The following COLEC12 variants were observed in gnomAD, a reference collection of about 807,000 sequenced individuals.
COLEC12 encodes collectin-12.
In COLEC12, 33 loss-of-function variants were observed where a neutral mutation model predicts 71.1. The ratio of observed to expected loss-of-function variants is 0.46; its 90% CI spans 0.35 to 0.62. COLEC12 has a LOEUF of 0.62. Among genes scored for constraint, COLEC12 ranks in the 20% least tolerant of loss-of-function variants. The probability of loss-of-function intolerance (pLI) is 0.00; values close to 1 mark genes in which losing one functional copy is unlikely to be tolerated. For missense variants in COLEC12, 765 were observed against 916.1 expected, an observed-to-expected ratio of 0.84 and a Z score of 2.13; for synonymous variants, 350 against 353.0, an observed-to-expected ratio of 0.99 and a Z score of 0.10.
intron 1 of COLEC12, among the ~76,000 whole-genome samples, chr18:498,377 T>TTTTTTG (rs1178071975): frequency 1.4e-5 from 2 of 138,308 alleles, no homozygotes; most frequent in South Asian, 2.3e-4. Flanking sequence ...TTTTTTTTTT[T>TTTTTTG]AGACGGAGTC....
intron 5 of COLEC12, among the ~76,000 whole-genome samples, chr18:342,544 C>T (rs721240): frequency 0.32 from 48,442 of 151,990 alleles, 8,143 homozygotes; most frequent in African/African-American, 0.39. Context: ...CAACGTTAAT[C>T]CATCCTGCTT....
At chr18:492,731 C>T (rs749873115) in intron 1 of COLEC12, among the ~76,000 whole-genome samples, 1 of 151,952 alleles carries the variant, frequency 6.6e-6, no homozygotes, top group African/African-American at 2.4e-5. Flanking sequence ...AAAATAACAC[C>T]GATACGTCTT....
chr18:334,660 G>T, intron 6 of COLEC12, 82 bp downstream of exon 6: 1 of 1,224,308 alleles, frequency 8.2e-7, no homozygotes, highest in Non-Finnish European at 1.1e-6. Context: ...TAACATGGGT[G>T]GGGCCACACA....
intron 2 of COLEC12, among the ~76,000 whole-genome samples, chr18:403,716 A>G (rs939880409): frequency 2.6e-5 from 4 of 152,244 alleles, no homozygotes; most frequent in Non-Finnish European, 5.9e-5. Context: ...GAGTTGAGGA[A>G]ATGGTCCTAA....
intron 2 of COLEC12, among the ~76,000 whole-genome samples, chr18:432,187 C>A (rs780797149): frequency 6.6e-6 from 1 of 152,184 alleles, no homozygotes; most frequent in African/African-American, 2.4e-5. Context: ...TTAATTAATT[C>A]ATTCATTAAC....
At chr18:433,135 C>T (rs1916337892) in intron 2 of COLEC12, among the ~76,000 whole-genome samples, 1 of 152,142 alleles carries the variant, frequency 6.6e-6, no homozygotes, top group Admixed American at 6.5e-5. Flanking sequence ...TGGACTGTTT[C>T]CCCATGGTAG....
chr18:357,075 C>T (rs1293560784), intron 3 of COLEC12, among the ~76,000 whole-genome samples: 1 of 151,102 alleles, frequency 6.6e-6, no homozygotes, highest in Non-Finnish European at 1.5e-5. Flanking sequence ...ATAAAGCCTC[C>T]AAGAGATAGG....
rs1449108413 is a variant in COLEC12 at position 480,500 on chromosome 18, G to A, written c.58+207C>T. Among the ~76,000 whole-genome samples the A allele has an allele frequency of 6.6e-6, 1 of 152,122 alleles. No homozygotes were observed. The highest frequency in any genetic ancestry group is 1.5e-5 in the Non-Finnish European group (1 of 68,028). On this transcript the variant is annotated intron_variant, in intron 2 of 9. Transcript: ENST00000400256. This position sits in a 1 kb window ranked among gnomAD's most constrained non-coding sequence, Gnocchi z 4.1. ...TCCCATCACTTCCCCATGCCTGGGT[G>A]CAGCTCCTGTCCCATGGCCCCTCAG...
chr18:404,653 T>C (rs896861950), intron 2 of COLEC12, among the ~76,000 whole-genome samples: 1 of 152,204 alleles, frequency 6.6e-6, no homozygotes, highest in African/African-American at 2.4e-5. Context: ...ATAATACCTT[T>C]ATAATTTCTT....
intron 2 of COLEC12, among the ~76,000 whole-genome samples, chr18:403,895 AT>A (rs1284591996): frequency 6.6e-6 from 1 of 152,204 alleles, no homozygotes; most frequent in African/African-American, 2.4e-5. Flanking sequence ...CAAACAAAGG[AT>A]TGGAAGAGGC....
Position 480,616 on chromosome 18 carries a change from G to GC in COLEC12, c.58+90dup. On this transcript the variant is annotated intron_variant, in intron 2 of 9. Coordinates refer to ENST00000400256, the MANE Select transcript of COLEC12 (RefSeq NM_130386.3). This position sits in a 1 kb window ranked among gnomAD's most constrained non-coding sequence, Gnocchi z 4.1. ...CCACAAACACCCATGTGCATGAAGG[G>GC]CCTGCCAGTGGCCTGCCAATGGTCT... is the stretch of plus-strand genomic sequence containing the variant. The GC allele has an allele frequency of 8.9e-7, 1 of 1,119,764 alleles. No individual in the cohort carries two copies. Among genetic ancestry groups the GC allele is most frequent in the Non-Finnish European group, 1.4e-6 (1 of 729,504 alleles). 69.4% of individuals were successfully genotyped at this position (1,119,764 alleles called of 1,614,324 possible).
chr18:320,075 G>A lies in COLEC12; in HGVS notation c.2210-11C>T. The A allele has an allele frequency of 6.6e-7, 1 of 1,508,004 alleles. No homozygotes were observed. The highest frequency in any genetic ancestry group is 1.2e-5 in the South Asian group (1 of 83,364). The allele number at this position is 1,508,004 out of a possible 1,614,324, so 93.4% of individuals were successfully genotyped here. ...ATGCAGATGACAGTACTAAAAGAGA[G>A]AAATAAGAATGGGCATTAGTTTTTC... On this transcript the variant is annotated splice_polypyrimidine_tract_variant and intron_variant, in intron 9 of 9. Transcript: ENST00000400256.
chr18:366,192 T>C (rs79784622), intron 2 of COLEC12, among the ~76,000 whole-genome samples: 8,863 of 152,186 alleles, frequency 0.058, 273 homozygotes, highest in South Asian at 0.087. Context: ...AATGCTATAG[T>C]AAAAACAAGG....
At chr18:492,345 T>C (rs1019834309) in intron 1 of COLEC12, among the ~76,000 whole-genome samples, 5 of 152,210 alleles carry the variant, frequency 3.3e-5, no homozygotes, top group African/African-American at 1.2e-4. Context: ...CTTTACAGTC[T>C]AACAAAACTG....
chr18:464,226 C>G (rs1917042492), intron 2 of COLEC12, among the ~76,000 whole-genome samples: 1 of 152,210 alleles, frequency 6.6e-6, no homozygotes, highest in Non-Finnish European at 1.5e-5. Context: ...GTCCTCTTAA[C>G]TTGGCTGTAG....
chr18:408,416 A>G lies in COLEC12; in HGVS notation c.59-50894T>C, dbSNP rs907636749. Among the ~76,000 whole-genome samples, 1 of 152,220 alleles carries G rather than the reference A, an allele frequency of 6.6e-6. No homozygotes were observed. The highest frequency in any genetic ancestry group is 1.5e-5 in the Non-Finnish European group (1 of 68,042). ...CATCTGTGTTTTCAATAAATAATAC[A>G]TCACATACTGCATCTCCTTTAGTGG... On this transcript the variant is annotated intron_variant, in intron 2 of 9. Coordinates refer to ENST00000400256, the MANE Select transcript of COLEC12 (RefSeq NM_130386.3). This position sits in a 1 kb window ranked among gnomAD's most constrained non-coding sequence, Gnocchi z 4.3.
intron 3 of COLEC12, among the ~76,000 whole-genome samples, chr18:350,569 G>C (rs1914491730): frequency 6.6e-6 from 1 of 152,136 alleles, no homozygotes; most frequent in African/African-American, 2.4e-5. Flanking sequence ...TGATTTATGT[G>C]AGATACAGCT....
intron 2 of COLEC12, among the ~76,000 whole-genome samples, chr18:422,160 G>T (rs938663470): frequency 1.3e-5 from 2 of 152,226 alleles, no homozygotes; most frequent in African/African-American, 4.8e-5. Flanking sequence ...TCCCTTTTCA[G>T]TCAAGACATA....
intron 2 of COLEC12, among the ~76,000 whole-genome samples, chr18:385,279 A>C (rs953526082): frequency 1.3e-5 from 2 of 151,762 alleles, no homozygotes; most frequent in Non-Finnish European, 2.9e-5. Flanking sequence ...AAAGTACTCT[A>C]ATTAGACCCA....
Sources: gnomAD v4.1 joint callset for allele counts (sites outside exome capture counted in the v4.1 genomes callset) on GRCh38, gnomAD v4.1.1 for gene constraint, Gnocchi (gnomAD v3.1) non-coding constraint, MANE v1.5 for transcripts, NCBI Gene and HGNC (gene_info 2026-07-23, HGNC 2026-07-21) for gene names.